Variants in NAALADL2 observed in about 807,000 individuals in gnomAD.
NAALADL2 encodes N-acetylated alpha-linked acidic dipeptidase like 2.
Under a neutral mutation model 87.2 loss-of-function variants are expected in NAALADL2, and 76 were observed. The observed-to-expected ratio is 0.87, with a 90% CI of 0.72 to 1.05. The LOEUF is 1.05. NAALADL2 is among the 50% of genes least tolerant of loss of function. The probability of loss-of-function intolerance (pLI) is 0.00; values close to 1 mark genes in which losing one functional copy is unlikely to be tolerated. For synonymous variants in NAALADL2, 354 were observed against 331.0 expected (o/e 1.07, Z -0.75); for missense variants, 1,089 against 945.8 (o/e 1.15, Z -1.99).
rs180942678 is a variant in NAALADL2, at chr3:175,666,479, C to T, written c.1896+39093C>T. Among the ~76,000 whole-genome samples the T allele has an allele frequency of 7.6e-4, 116 of 152,232 alleles. 1 individual carries two copies. The highest frequency in any genetic ancestry group is 2.7e-3 in the African/African-American group (113 of 41,546). ...TTTCCAAAAGAACTGTTCCACTATGCAGGATATTATACATGTTTTATTTAA... is the reference window on the plus strand; with the variant it reads ...TTTCCAAAAGAACTGTTCCACTATGTAGGATATTATACATGTTTTATTTAA... On this transcript the variant is annotated intron_variant, in intron 11 of 13. Coordinates refer to ENST00000454872, the MANE Select transcript of NAALADL2 (RefSeq NM_207015.3).
chr3:175,064,148 C>A (rs551899373), intron 1 of NAALADL2, among the ~76,000 whole-genome samples: 1 of 149,882 alleles, frequency 6.7e-6, no homozygotes, highest in East Asian at 2.0e-4. Context: ...CAATCAAAAG[C>A]AAATCAGTTT....
intron 1 of NAALADL2, among the ~76,000 whole-genome samples, chr3:175,055,726 G>T (rs1438852501): frequency 6.6e-6 from 1 of 152,084 alleles, no homozygotes; most frequent in East Asian, 1.9e-4. Context: ...CCCCTATCCG[G>T]TGGCCTGACT....
At chr3:175,594,501 A>C (rs1324055745) in intron 10 of NAALADL2, among the ~76,000 whole-genome samples, 1 of 152,090 alleles carries the variant, frequency 6.6e-6, no homozygotes, top group East Asian at 1.9e-4. Flanking sequence ...TGGTGGAATA[A>C]TTTATTTCCC....
intron 1 of NAALADL2, among the ~76,000 whole-genome samples, chr3:174,899,955 G>T (rs1408835683): frequency 3.3e-5 from 5 of 151,554 alleles, no homozygotes; most frequent in African/African-American, 2.4e-5. Context: ...ATAAGTGTAG[G>T]TTCTTTAAAT....
At chr3:175,516,959 G>A (rs1731927430) in intron 9 of NAALADL2, among the ~76,000 whole-genome samples, 2 of 152,104 alleles carry the variant, frequency 1.3e-5, no homozygotes, top group South Asian at 4.1e-4. Context: ...ATACAATTGT[G>A]TAGCTAATTT....
intron 11 of NAALADL2, among the ~76,000 whole-genome samples, chr3:175,669,847 G>C (rs1474009271): frequency 6.6e-6 from 1 of 151,840 alleles, no homozygotes; most frequent in Non-Finnish European, 1.5e-5. Flanking sequence ...AATAGTAATA[G>C]TGAAATAGTA....
intron 4 of NAALADL2, among the ~76,000 whole-genome samples, chr3:175,258,114 T>C (rs888948155): frequency 1.2e-4 from 18 of 151,976 alleles, no homozygotes; most frequent in African/African-American, 2.9e-4. Context: ...TGAGACCATC[T>C]TGGCCAACAT....
intron 9 of NAALADL2, among the ~76,000 whole-genome samples, chr3:175,539,439 A>T (rs1260255358): frequency 6.6e-6 from 1 of 152,192 alleles, no homozygotes; most frequent in African/African-American, 2.4e-5. Flanking sequence ...CTGGTATTGT[A>T]CAACATTGTG....
At chr3:175,721,121 C>T (rs1469621140) in intron 11 of NAALADL2, among the ~76,000 whole-genome samples, 3 of 151,872 alleles carry the variant, frequency 2.0e-5, no homozygotes, top group African/African-American at 7.3e-5. Context: ...GAGCATCTTG[C>T]GTAGTTCATA....
At chr3:174,479,509 T>C (rs1184369813) in intron 1 of NAALADL2, among the ~76,000 whole-genome samples, 3 of 152,078 alleles carry the variant, frequency 2.0e-5, no homozygotes, top group Admixed American at 6.6e-5. Flanking sequence ...ATACCTCTTA[T>C]CCATTATGCA....
At chr3:175,544,769 G>A (rs1713006596) in intron 9 of NAALADL2, among the ~76,000 whole-genome samples, 1 of 151,714 alleles carries the variant, frequency 6.6e-6, no homozygotes, top group African/African-American at 2.4e-5. Flanking sequence ...CCTTCATTAT[G>A]TCCAAGTCGA....
chr3:174,745,860 C>G (rs1423515416), intron 3 of NAALADL2, among the ~76,000 whole-genome samples: 7 of 151,264 alleles, frequency 4.6e-5, no homozygotes, highest in Admixed American at 3.3e-4. Context: ...ATCTCAAAGG[C>G]CTTCAATAAA....
chr3:175,797,810 A>G (rs1448307969), intron 13 of NAALADL2, among the ~76,000 whole-genome samples: 1 of 152,106 alleles, frequency 6.6e-6, no homozygotes, highest in South Asian at 2.1e-4. Flanking sequence ...GTATTGATCT[A>G]ATTGAAATAT....
intron 2 of NAALADL2, among the ~76,000 whole-genome samples, chr3:175,140,743 T>A (rs943632246): frequency 2.0e-5 from 3 of 152,064 alleles, no homozygotes; most frequent in Non-Finnish European, 2.9e-5. Flanking sequence ...ATGCCAGCCA[T>A]GTAAAGAGGT....
At chr3:174,596,153 T>C (rs1717883155) in intron 2 of NAALADL2, among the ~76,000 whole-genome samples, 1 of 152,188 alleles carries the variant, frequency 6.6e-6, no homozygotes, top group Non-Finnish European at 1.5e-5. Flanking sequence ...ACACTTAGAA[T>C]TCTGGAAAGA....
chr3:175,456,833 AT>A (rs1308435133), intron 6 of NAALADL2, among the ~76,000 whole-genome samples: 1 of 152,030 alleles, frequency 6.6e-6, no homozygotes, highest in Non-Finnish European at 1.5e-5. Context: ...AGGCACATGT[AT>A]TGCATCAAGT....
At chr3:175,590,393 A>T (rs1488470521) in intron 10 of NAALADL2, among the ~76,000 whole-genome samples, 1 of 151,620 alleles carries the variant, frequency 6.6e-6, no homozygotes, top group Non-Finnish European at 1.5e-5. Context: ...CTGGAAATAA[A>T]TATAGTAACA....
At chr3:174,869,391 G>T (rs1044375414) in intron 1 of NAALADL2, among the ~76,000 whole-genome samples, 1 of 152,194 alleles carries the variant, frequency 6.6e-6, no homozygotes, top group Non-Finnish European at 1.5e-5. Context: ...CTGAAGTTCA[G>T]TGAAGGAAAG....
chr3:175,744,714 A>G lies in NAALADL2; in HGVS notation c.1990+7315A>G, dbSNP rs567196395. 5.5e-4 allele frequency among the ~76,000 whole-genome samples: 84 copies of G among 152,330 alleles called. 1 individual carries two copies. The highest frequency in any genetic ancestry group is 1.9e-3 in the African/African-American group (80 of 41,574). On this transcript the variant is annotated intron_variant, in intron 12 of 13. Transcript: ENST00000454872. ...TCTATTTTAGTTATGCCTTACTTCTAAAAATGGAATACAGTAAAGGGCTAA... is the reference window on the plus strand; with the variant it reads ...TCTATTTTAGTTATGCCTTACTTCTGAAAATGGAATACAGTAAAGGGCTAA...
Sources: gnomAD v4.1 joint callset for allele counts (sites outside exome capture counted in the v4.1 genomes callset) on GRCh38, gnomAD v4.1.1 for gene constraint, MANE v1.5 for transcripts, NCBI Gene and HGNC (gene_info 2026-07-23, HGNC 2026-07-21) for gene names.